Variants in TICRR observed in about 807,000 individuals in gnomAD.
TICRR encodes TOPBP1 interacting checkpoint and replication regulator.
In TICRR, 132 loss-of-function variants were observed where a neutral mutation model predicts 178.1. The observed-to-expected ratio is 0.74, with a 90% CI of 0.64 to 0.86. TICRR has a LOEUF of 0.86. Among genes scored for constraint, TICRR ranks in the 40% least tolerant of loss-of-function variants. The pLI is 0.00. For missense variants in TICRR, 2,587 were observed against 2,334.3 expected (o/e 1.11, Z -2.23); for synonymous variants, 991 against 900.7 (o/e 1.10, Z -1.79).
chr15:89,589,362 C>T (rs1351433427), intron 4 of TICRR, among the ~76,000 whole-genome samples: 1 of 152,148 alleles, frequency 6.6e-6, no homozygotes, highest in East Asian at 1.9e-4. Flanking sequence ...CTGCCCATGT[C>T]GGCGTGGAGA....
chr15:89,600,825 G>A, intron 9 of TICRR, 140 bp downstream of exon 9: 1 of 509,166 alleles, frequency 2.0e-6, no homozygotes, highest in Non-Finnish European at 3.5e-6. Context: ...CAGGAGGATT[G>A]CTTGCAGCCA....
At chr15:89,595,325 A>G in intron 6 of TICRR, 68 bp from the exon 7 acceptor site, 1 of 1,089,728 alleles carries the variant, frequency 9.2e-7, no homozygotes, top group Non-Finnish European at 1.4e-6. Flanking sequence ...AATCTGAATT[A>G]AAGTAGTTCT....
intron 11 of TICRR, 43 bp from the exon 12 acceptor site, chr15:89,601,694 G>GTAAGATGGTAAC (rs1431012726): frequency 3.1e-6 from 5 of 1,613,040 alleles, no homozygotes; most frequent in African/African-American, 1.3e-5. Flanking sequence ...AATAGAGAGG[G>GTAAGATGGTAAC]TAAGATGGTA....
intron 15 of TICRR, among the ~76,000 whole-genome samples, chr15:89,609,935 A>G (rs1265072786): frequency 6.6e-6 from 1 of 151,624 alleles, no homozygotes; most frequent in Non-Finnish European, 1.5e-5. Flanking sequence ...TTTTGATATG[A>G]TTTGTTTTTG....
intron 4 of TICRR, chr15:89,591,734 AAAAT>A (rs1438171647): frequency 4.2e-5 from 7 of 168,160 alleles, no homozygotes; most frequent in Admixed American, 2.5e-4. Flanking sequence ...CTGTCTCAAA[AAAAT>A]AAATAAATAA....
At chr15:89,600,807 A>G in intron 9 of TICRR, 122 bp downstream of exon 9, 1 of 522,412 alleles carries the variant, frequency 1.9e-6, no homozygotes. Flanking sequence ...TACCTTGGGA[A>G]GCCAAAGCAG....
intron 3 of TICRR, 53 bp downstream of exon 3, chr15:89,584,580 G>C: frequency 2.7e-6 from 4 of 1,480,858 alleles, no homozygotes; most frequent in Non-Finnish European, 3.6e-6. Context: ...CACTGGTAAA[G>C]TGAAATAAGT....
intron 4 of TICRR, among the ~76,000 whole-genome samples, chr15:89,590,121 A>G (rs1962886009): frequency 6.6e-6 from 1 of 152,116 alleles, no homozygotes; most frequent in African/African-American, 2.4e-5. Flanking sequence ...CCAATGACAA[A>G]GATAGGGAAC....
At chr15:89,601,257 A>G (rs1190500235) in intron 9 of TICRR, 41 bp from the exon 10 acceptor site, 1 of 1,571,854 alleles carries the variant, frequency 6.4e-7, no homozygotes, top group Non-Finnish European at 8.7e-7. Flanking sequence ...TTGTTTAGTG[A>G]CATCCAAAGT....
At chr15:89,591,853 GT>G (rs1357305041) in intron 4 of TICRR, 193 bp from the exon 5 acceptor site, 2 of 435,278 alleles carry the variant, frequency 4.6e-6, no homozygotes, top group Non-Finnish European at 8.2e-6. Context: ...GTGTCTGTAT[GT>G]TTTTCAGTAG....
chr15:89,582,647 A>T, intron 1 of TICRR, 39 bp from the exon 2 acceptor site: 1 of 1,576,430 alleles, frequency 6.3e-7, no homozygotes, highest in South Asian at 1.2e-5. Context: ...TGAATGCCTA[A>T]TTTATAGTAA....
chr15:89,614,140 C>T (rs182434405), intron 15 of TICRR, among the ~76,000 whole-genome samples: 1,938 of 151,936 alleles, frequency 0.013, 22 homozygotes, highest in Non-Finnish European at 0.016. Context: ...GGCAACAGAG[C>T]GAGACTCTGT....
At chr15:89,585,639 T>C (rs1308175254) in intron 3 of TICRR, 69 bp from the exon 4 acceptor site, 21 of 1,060,330 alleles carry the variant, frequency 2.0e-5, no homozygotes, top group Non-Finnish European at 2.6e-5. Context: ...TTCTGTCTTT[T>C]AGTACACTAC....
chr15:89,585,949 T>C lies in TICRR; in HGVS notation c.1411+7T>C. On this transcript the variant is annotated splice_region_variant and intron_variant, in intron 4 of 21. Transcript: ENST00000268138. ...GCAGATACTGCTTCTGCTGGTAAGC[T>C]CCTAAACTAGTAACTAACAGAGTCT... 6.2e-7 allele frequency: 1 copy of C among 1,610,140 alleles called. No individual in the cohort carries two copies. The highest frequency in any genetic ancestry group is 8.5e-7 in the Non-Finnish European group (1 of 1,176,434).
At chr15:89,583,066 G>A in intron 2 of TICRR, 101 bp downstream of exon 2, 1 of 1,245,634 alleles carries the variant, frequency 8.0e-7, no homozygotes, top group South Asian at 1.6e-5. Flanking sequence ...CACAGCCCAG[G>A]CACTCAACGA....
chr15:89,586,384 A>T (rs922672249), intron 4 of TICRR, among the ~76,000 whole-genome samples: 15 of 152,076 alleles, frequency 9.9e-5, no homozygotes, highest in Admixed American at 9.2e-4. Context: ...AATCAACTTG[A>T]TATTTCTTTA....
intron 4 of TICRR, among the ~76,000 whole-genome samples, chr15:89,590,686 C>G (rs1962896275): frequency 6.6e-6 from 1 of 152,192 alleles, no homozygotes; most frequent in African/African-American, 2.4e-5. Context: ...ACGGAGTTAG[C>G]ATGTGCTAAC....
At position 89,624,945 on chromosome 15, in the gene TICRR, A is replaced by G. The variant is rs1421460598; in HGVS notation, c.4635A>G (p.Ala1545=). The G allele has an allele frequency of 1.9e-6, 3 of 1,614,116 alleles. No individual in the cohort carries two copies. Among genetic ancestry groups the G allele is most frequent in the Non-Finnish European group, 2.5e-6 (3 of 1,180,026 alleles). Residue 1545 remains alanine, a synonymous_variant, in exon 20 of 22, where the codon GCA becomes GCG. Coordinates refer to ENST00000268138, the MANE Select transcript of TICRR (RefSeq NM_152259.4). The part of the protein sequence containing the change: ...QASAQLDNLP[A]SAWHSTDSAS... ...CGGCACAACTAGACAACCTGCCAGC[A>G]TCAGCTTGGCATTCCACAGACTCTG...
At position 89,576,031 on chromosome 15, in the gene TICRR, G is replaced by A. The variant is rs780698335; in HGVS notation, c.445G>A (p.Gly149Ser). Reference protein sequence around the residue: ...EAKEAEAALGGLVNAVFLLAP... With the variant: ...EAKEAEAALGSLVNAVFLLAP... ...CAAGGAGGCCGAGGCCGCGCTCGGG[G>A]GCTTGGTGAACGCCGTCTTCCTCCT... is the stretch of plus-strand genomic sequence containing the variant. The change falls in exon 1 of 22, where the codon GGC becomes AGC. Residue 149 changes from glycine to serine, a missense_variant. Gly to Ser is a moderately conservative substitution (Grantham distance 56). Coordinates refer to ENST00000268138, the MANE Select transcript of TICRR (RefSeq NM_152259.4). 1 of 1,610,130 alleles carries A rather than the reference G, an allele frequency of 6.2e-7. No individual in the cohort carries two copies. The highest frequency in any genetic ancestry group is 2.2e-5 in the East Asian group (1 of 44,784).
Sources: gnomAD v4.1 joint callset for allele counts (sites outside exome capture counted in the v4.1 genomes callset) on GRCh38, gnomAD v4.1.1 for gene constraint, MANE v1.5 for transcripts, NCBI Gene and HGNC (gene_info 2026-07-23, HGNC 2026-07-21) for gene names.